Variants in GPC5 observed in about 807,000 individuals in gnomAD.
The protein encoded by GPC5 is glypican 5, also known as glypican-5.
Under a neutral mutation model 53.9 loss-of-function variants are expected in GPC5, and 47 were observed. The ratio of observed to expected loss-of-function variants is 0.87; its 90% CI spans 0.69 to 1.11. The LOEUF is 1.11. Among genes scored for constraint, GPC5 ranks in the 50% most tolerant of loss-of-function variants. The pLI is 0.00. For missense variants in GPC5, 748 were observed against 713.1 expected, an observed-to-expected ratio of 1.05 and a Z score of -0.56; for synonymous variants, 286 against 263.3, an observed-to-expected ratio of 1.09 and a Z score of -0.84.
chr13:92,279,570 A>G (rs1471414056), intron 7 of GPC5, among the ~76,000 whole-genome samples: 1 of 151,992 alleles, frequency 6.6e-6, no homozygotes, highest in Non-Finnish European at 1.5e-5. Context: ...CCCTAAAAGC[A>G]AAGCTTTCAG....
chr13:91,457,385 C>T (rs528061320), intron 2 of GPC5, among the ~76,000 whole-genome samples: 19 of 152,000 alleles, frequency 1.3e-4, no homozygotes, highest in South Asian at 8.3e-4. Context: ...ATATCTAAGA[C>T]GTTATTTTAA....
chr13:92,637,746 C>T (rs77785642), intron 7 of GPC5, among the ~76,000 whole-genome samples: 11 of 151,830 alleles, frequency 7.2e-5, no homozygotes, highest in Non-Finnish European at 1.3e-4. Context: ...GGCATACAAA[C>T]AAGCAGAAAA....
chr13:92,413,759 T>C (rs1463946679), intron 7 of GPC5, among the ~76,000 whole-genome samples: 1 of 152,070 alleles, frequency 6.6e-6, no homozygotes, highest in Non-Finnish European at 1.5e-5. Flanking sequence ...GGATATAAGG[T>C]ACACATACCA....
chr13:91,459,249 T>A (rs1881771459), intron 2 of GPC5, among the ~76,000 whole-genome samples: 1 of 151,878 alleles, frequency 6.6e-6, no homozygotes, highest in South Asian at 2.1e-4. Flanking sequence ...GAGCCATGAT[T>A]GCACCACTAT....
chr13:91,602,471 C>T (rs1170094005), intron 2 of GPC5, among the ~76,000 whole-genome samples: 1 of 152,082 alleles, frequency 6.6e-6, no homozygotes, highest in African/African-American at 2.4e-5. Context: ...TTTGTACACC[C>T]AGATATTTAT....
chr13:91,612,021 T>C (rs961519269), intron 2 of GPC5, among the ~76,000 whole-genome samples: 5 of 152,192 alleles, frequency 3.3e-5, no homozygotes, highest in African/African-American at 1.2e-4. Flanking sequence ...ACCTGCATGC[T>C]TGCATTGACA....
intron 7 of GPC5, among the ~76,000 whole-genome samples, chr13:92,157,839 A>G (rs915496807): frequency 6.0e-5 from 9 of 150,648 alleles, no homozygotes; most frequent in African/African-American, 2.3e-4. Context: ...TTTTCTCAGC[A>G]TATGAGTTGT....
chr13:91,534,872 C>T lies in GPC5; in HGVS notation c.325+85950C>T, dbSNP rs779312165. Among the ~76,000 whole-genome samples the T allele has an allele frequency of 4.5e-4, 69 of 152,268 alleles. 1 individual carries two copies. Among genetic ancestry groups the T allele is most frequent in the Middle Eastern group, 6.8e-3 (2 of 294 alleles). On this transcript the variant is annotated intron_variant, in intron 2 of 7. Coordinates refer to ENST00000377067, the MANE Select transcript of GPC5 (RefSeq NM_004466.6). Reference sequence around the variant, plus strand: ...GGCCATTGCTGTATCTTCTAGACTTCGACAGCCATATTCTGATCCCCGTTC... The same window carrying T: ...GGCCATTGCTGTATCTTCTAGACTTTGACAGCCATATTCTGATCCCCGTTC...
chr13:91,991,224 CTTGTAA>C (rs748069627), intron 6 of GPC5, among the ~76,000 whole-genome samples: 2 of 152,182 alleles, frequency 1.3e-5, no homozygotes, highest in African/African-American at 4.8e-5. Context: ...CACAGCCCTC[CTTGTAA>C]TTGTGTTTTG....
At chr13:92,781,041 A>G (rs1876008705) in intron 7 of GPC5, among the ~76,000 whole-genome samples, 3 of 152,176 alleles carry the variant, frequency 2.0e-5, no homozygotes, top group African/African-American at 7.2e-5. Flanking sequence ...ACGCACACAT[A>G]TACATCTTCA....
At chr13:92,565,157 G>A (rs1185752615) in intron 7 of GPC5, among the ~76,000 whole-genome samples, 2 of 151,956 alleles carry the variant, frequency 1.3e-5, no homozygotes, top group East Asian at 3.9e-4. Context: ...GTCTGAAATA[G>A]CAAGCTTTAA....
At chr13:91,511,057 A>G (rs549430249) in intron 2 of GPC5, among the ~76,000 whole-genome samples, 1 of 152,186 alleles carries the variant, frequency 6.6e-6, no homozygotes, top group African/African-American at 2.4e-5. Context: ...TAGGCTATTT[A>G]TATTAATTTA....
chr13:91,832,712 G>T (rs1305028264), intron 5 of GPC5, among the ~76,000 whole-genome samples: 3 of 152,004 alleles, frequency 2.0e-5, no homozygotes, highest in Admixed American at 6.6e-5. Context: ...AAGACACAAC[G>T]TACCAGAATC....
chr13:91,962,032 A>G (rs1327709717), intron 6 of GPC5, among the ~76,000 whole-genome samples: 3 of 152,156 alleles, frequency 2.0e-5, no homozygotes, highest in Non-Finnish European at 4.4e-5. Flanking sequence ...CATAAAAGAG[A>G]TTACCTTTGA....
chr13:92,798,352 T>C (rs1876780302), intron 7 of GPC5, among the ~76,000 whole-genome samples: 2 of 151,952 alleles, frequency 1.3e-5, no homozygotes, highest in Admixed American at 1.3e-4. Flanking sequence ...GCTGTGTTCA[T>C]AATCGATACT....
intron 2 of GPC5, among the ~76,000 whole-genome samples, chr13:91,629,669 A>G (rs1028481393): frequency 2.6e-5 from 4 of 152,078 alleles, no homozygotes; most frequent in Non-Finnish European, 2.9e-5. Context: ...TTTTTTTTCA[A>G]AGAGGACTAG....
At chr13:91,711,817 A>T (rs909295345) in intron 3 of GPC5, among the ~76,000 whole-genome samples, 2 of 152,152 alleles carry the variant, frequency 1.3e-5, no homozygotes, top group African/African-American at 4.8e-5. Context: ...GGTTTGGGTC[A>T]CAGCAAATTT....
chr13:92,237,167 G>A (rs544233627), intron 7 of GPC5, among the ~76,000 whole-genome samples: 12 of 152,126 alleles, frequency 7.9e-5, no homozygotes, highest in African/African-American at 2.7e-4. Context: ...TTGCTTTATT[G>A]TCTTTTGCTA....
intron 5 of GPC5, among the ~76,000 whole-genome samples, chr13:91,819,195 T>G (rs1392273287): frequency 8.2e-6 from 1 of 122,268 alleles, no homozygotes; most frequent in Non-Finnish European, 1.6e-5. Context: ...AGTCTCACAC[T>G]CTCGCCTGGG....
Sources: allele counts gnomAD v4.1 joint callset (sites outside exome capture counted in the v4.1 genomes callset), GRCh38; gene constraint gnomAD v4.1.1; transcripts MANE v1.5; gene names NCBI Gene and HGNC (gene_info 2026-07-23, HGNC 2026-07-21).